FAM221B: variants seen among roughly 807,000 people sequenced by gnomAD.
The protein encoded by FAM221B is protein FAM221B.
FAM221B carries 35 observed loss-of-function variants against 39.8 expected under a neutral mutation model. The ratio of observed to expected loss-of-function variants is 0.88; its 90% CI spans 0.67 to 1.17. FAM221B has a LOEUF of 1.17. Ranked by LOEUF, FAM221B falls within the 50% of genes most tolerant of loss-of-function variation. The probability of loss-of-function intolerance (pLI) is 0.00; values close to 1 mark genes in which losing one functional copy is unlikely to be tolerated. For synonymous variants in FAM221B, 158 were observed against 178.1 expected, an observed-to-expected ratio of 0.89 and a Z score of 0.90; for missense variants, 479 against 503.1, an observed-to-expected ratio of 0.95 and a Z score of 0.46.
chr9:35,824,517 T>C (rs1480432518), intron 3 of FAM221B, among the ~76,000 whole-genome samples: 1 of 152,138 alleles, frequency 6.6e-6, no homozygotes, highest in Non-Finnish European at 1.5e-5. Context: ...AGCCTTTTAA[T>C]GGAGTTCCAC....
In FAM221B at chr9:35,825,527, C is replaced by A. The variant is rs768285842; in HGVS notation, c.598+37G>T. 6 of 1,587,822 alleles carry A rather than the reference C, an allele frequency of 3.8e-6. No individual in the cohort carries two copies. The South Asian group carries it at 5.8e-5, about 15-fold the overall frequency. On this transcript the variant is annotated intron_variant, in intron 2 of 6. Coordinates refer to ENST00000423537, the MANE Select transcript of FAM221B (RefSeq NM_001012446.4). The surrounding 1 kb of genome is among the most constrained non-coding windows in gnomAD (Gnocchi z 4.2). ...AACAGGACAGGGGAGAGGACAGGTA[C>A]AATTACAGCTAACTCCTTTCTTCTT...
At chr9:35,820,116 C>G (rs1829118987) in intron 3 of FAM221B, 116 bp from the exon 4 acceptor site, 4 of 644,950 alleles carry the variant, frequency 6.2e-6, no homozygotes, top group Non-Finnish European at 8.2e-6. Flanking sequence ...TCCCCACCCC[C>G]AGGTATCTTT....
At chr9:35,819,491 G>T in intron 4 of FAM221B, 97 bp from the exon 5 acceptor site, 5 of 1,111,914 alleles carry the variant, frequency 4.5e-6, no homozygotes, top group Non-Finnish European at 5.0e-6. Context: ...TATGCACGCA[G>T]ACATGCTTTT....
chr9:35,828,577 A>ATCCACAGGT lies in FAM221B; in HGVS notation c.-116_-115insACCTGTGGA. 2.0e-6 allele frequency: 2 copies of ATCCACAGGT among 985,482 alleles called. No individual in the cohort carries two copies. The highest frequency in any genetic ancestry group is 2.4e-6 in the Non-Finnish European group (2 of 829,976). The allele number at this position is 985,482 out of a possible 1,614,324, so 61.0% of individuals were successfully genotyped here. A position where few individuals can be genotyped will look rare whatever the true frequency, so the allele number is the denominator to read the frequency against. ...AGGCTCTTGGTTGTGGATGTGCCTC[A>ATCCACAGGT]GCTGCAGGTGCTGAGTGTTGAAATG... On this transcript the variant is annotated 5_prime_UTR_variant, in exon 1 of 7. The change creates a new upstream start codon in the 5' untranslated region. Coordinates refer to ENST00000423537, the MANE Select transcript of FAM221B (RefSeq NM_001012446.4). The surrounding 1 kb of genome is among the most constrained non-coding windows in gnomAD (Gnocchi z 4.5).
chr9:35,819,697 G>A (rs999523936), intron 4 of FAM221B, among the ~76,000 whole-genome samples, 193 bp downstream of exon 4: 1 of 151,906 alleles, frequency 6.6e-6, no homozygotes, highest in Non-Finnish European at 1.5e-5. Flanking sequence ...TAGTAGAGAC[G>A]GTGTTTCACT....
At position 35,825,215 on chromosome 9, in the gene FAM221B, G is replaced by T. The variant is rs561181515; in HGVS notation, c.742+15C>A. The T allele has an allele frequency of 3.1e-6, 5 of 1,614,112 alleles. No homozygotes were observed. In the South Asian group the frequency reaches 5.5e-5, roughly 18 times the overall value. On this transcript the variant is annotated intron_variant, in intron 3 of 6. Transcript: ENST00000423537. The surrounding 1 kb of genome is among the most constrained non-coding windows in gnomAD (Gnocchi z 4.2). ...TGGGCCTGTCACAGGCCTCTGAAAG[G>T]CCACATGGGCTCACCTGTCTGGATG... is the stretch of plus-strand genomic sequence containing the variant.
rs1382956982 is a variant in FAM221B, at chr9:35,821,483, C to T, written c.743-1483G>A. The T allele has an allele frequency of 2.9e-6, 4 of 1,367,896 alleles. No homozygotes were observed. The South Asian group carries it at 3.4e-5, about 12-fold the overall frequency. 84.7% of individuals were successfully genotyped at this position (1,367,896 alleles called of 1,614,324 possible). A position where few individuals can be genotyped will look rare whatever the true frequency, so the allele number is the denominator to read the frequency against. ...AAGCCTGTCTAGATGTGGCTTTTGG[C>T]TTTGCTTCTTCTGTCTTGATGCTGA... On this transcript the variant is annotated intron_variant, in intron 3 of 6. Transcript: ENST00000423537.
intron 3 of FAM221B, among the ~76,000 whole-genome samples, chr9:35,824,923 C>T (rs1829284013): frequency 6.6e-6 from 1 of 152,152 alleles, no homozygotes; most frequent in African/African-American, 2.4e-5. Flanking sequence ...CCTCGTGATC[C>T]GCCCATCTCG....
chr9:35,824,764 C>A (rs932915761), intron 3 of FAM221B, among the ~76,000 whole-genome samples: 3 of 151,446 alleles, frequency 2.0e-5, no homozygotes, highest in Admixed American at 6.6e-5. Context: ...TCACTGCAAG[C>A]TCCACCTCCC....
rs77741309 is a variant in FAM221B, at chr9:35,817,346, C to T, written c.*1123G>A. On this transcript the variant is annotated 3_prime_UTR_variant, in exon 7 of 7. Coordinates refer to ENST00000423537, the MANE Select transcript of FAM221B (RefSeq NM_001012446.4). ...TCTTGTACTCCAACCCCTGCCCCTA[C>T]GTCTGCTACTGTACCTCATTAGAGA... The T allele has an allele frequency of 9.9e-3, 1,511 of 152,486 alleles. 16 individuals are homozygous for T. Among genetic ancestry groups the T allele is most frequent in the Admixed American group, 0.016 (242 of 15,308 alleles). 9.4% of individuals were successfully genotyped at this position (152,486 alleles called of 1,614,324 possible). A position where few individuals can be genotyped will look rare whatever the true frequency, so the allele number is the denominator to read the frequency against.
rs372358720 is a variant in FAM221B at position 35,828,292 on chromosome 9, AAACAACAACAAC to A, written c.-1+159_-1+170del. On this transcript the variant is annotated intron_variant, in intron 1 of 6. Transcript: ENST00000423537. The surrounding 1 kb of genome is among the most constrained non-coding windows in gnomAD (Gnocchi z 4.5). ...GGGGGACAGAGCGAGACTCTGTCTCAAACAACAACAACAACAACAACAACAACAACAACAACA... is the reference window on the plus strand; with the variant it reads ...GGGGGACAGAGCGAGACTCTGTCTCAAACAACAACAACAACAACAACAACA... 4.6e-4 allele frequency among the ~76,000 whole-genome samples: 58 copies of A among 126,588 alleles called. No homozygotes were observed. Among genetic ancestry groups the A allele is most frequent in the African/African-American group, 1.4e-3 (46 of 32,306 alleles). 83.0% of individuals were successfully genotyped at this position (126,588 alleles called of 152,430 possible).
chr9:35,825,384 A>G lies in FAM221B; in HGVS notation c.599-11T>C. ...GGCGGGCTGTGTTACCTAGGATGGG[A>G]GAGGATGAGTAACCAGGGGGAAGTG... On this transcript the variant is annotated splice_polypyrimidine_tract_variant and intron_variant, in intron 2 of 6. Transcript: ENST00000423537. The surrounding 1 kb of genome is among the most constrained non-coding windows in gnomAD (Gnocchi z 4.2). 6.2e-7 allele frequency: 1 copy of G among 1,613,866 alleles called. No individual in the cohort carries two copies. The highest frequency in any genetic ancestry group is 8.5e-7 in the Non-Finnish European group (1 of 1,179,990).
chr9:35,817,795 G>T lies in FAM221B; in HGVS notation c.*674C>A, dbSNP rs1829051565. The stretch of plus-strand genomic sequence containing the variant: ...TTCTTGTTCCCTGAAACTCTAGGAA[G>T]GCTCCATCCTCTTCCTTCGTCTTGG... On this transcript the variant is annotated 3_prime_UTR_variant, in exon 7 of 7. Coordinates refer to ENST00000423537, the MANE Select transcript of FAM221B (RefSeq NM_001012446.4). 6.6e-6 allele frequency: 1 copy of T among 152,314 alleles called. No homozygotes were observed. 9.4% of individuals were successfully genotyped at this position (152,314 alleles called of 1,614,324 possible). A position where few individuals can be genotyped will look rare whatever the true frequency, so the allele number is the denominator to read the frequency against.
At chr9:35,827,891 C>T (rs1484309758) in intron 1 of FAM221B, among the ~76,000 whole-genome samples, 1 of 151,950 alleles carries the variant, frequency 6.6e-6, no homozygotes, top group East Asian at 1.9e-4. Flanking sequence ...CCAGAGTCAG[C>T]TAGAGAGAAA....
chr9:35,826,722 C>T (rs2132155193), intron 1 of FAM221B: 1 of 154,048 alleles, frequency 6.5e-6, no homozygotes, highest in South Asian at 2.0e-4. Flanking sequence ...CAGTTGTGTA[C>T]CAATGACTCC....
Position 35,818,363 on chromosome 9 carries a change from A to C in FAM221B, c.*106T>G. ...TTTCTCCTGTGTCTAATAGGTGTCA[A>C]CTCTAAGTTATTAGGCAGTCTCTCC... On this transcript the variant is annotated 3_prime_UTR_variant, in exon 7 of 7. Transcript: ENST00000423537. The C allele has an allele frequency of 9.4e-7, 1 of 1,063,862 alleles. No homozygotes were observed. Among genetic ancestry groups the C allele is most frequent in the African/African-American group, 1.6e-5 (1 of 63,592 alleles). The allele number at this position is 1,063,862 out of a possible 1,614,324, so 65.9% of individuals were successfully genotyped here.
intron 4 of FAM221B, 85 bp downstream of exon 4, chr9:35,819,805 A>G (rs1829106135): frequency 4.2e-6 from 4 of 946,798 alleles, no homozygotes; most frequent in South Asian, 1.4e-5. Flanking sequence ...GTGCCCAGCC[A>G]CATGCTCTCT....
At position 35,828,257 on chromosome 9, in the gene FAM221B, A is replaced by C. The variant is rs1588104066; in HGVS notation, c.-1+206T>G. On this transcript the variant is annotated intron_variant, in intron 1 of 6. Coordinates refer to ENST00000423537, the MANE Select transcript of FAM221B (RefSeq NM_001012446.4). The surrounding 1 kb of genome is among the most constrained non-coding windows in gnomAD (Gnocchi z 4.5). ...CAGTGAGCCCAGATCGCACCACTGC[A>C]CTCCAGCCTGGGGGACAGAGCGAGA... Among the ~76,000 whole-genome samples, 1 of 151,790 alleles carries C rather than the reference A, an allele frequency of 6.6e-6. No individual in the cohort carries two copies. Among genetic ancestry groups the C allele is most frequent in the Non-Finnish European group, 1.5e-5 (1 of 67,966 alleles).
In FAM221B at chr9:35,825,567, G is replaced by A; in HGVS notation, c.595C>T (p.Leu199=). 1.2e-6 allele frequency: 2 copies of A among 1,609,666 alleles called. No homozygotes were observed. The highest frequency in any genetic ancestry group is 1.7e-6 in the Non-Finnish European group (2 of 1,177,700). Residue 199 remains leucine, a synonymous_variant, in exon 2 of 7, where the codon CTA becomes TTA. Transcript: ENST00000423537. The surrounding 1 kb of genome is among the most constrained non-coding windows in gnomAD (Gnocchi z 4.2). The part of the protein sequence containing the change: ...TAHTAQPGHQ[L]GNTARPVFPA... ...CCTTTCTTCTTCTTCTTCTTGCCTA[G>A]TTGGTGTCCAGGTTGGGCTGTGTGA...
Sources: allele counts gnomAD v4.1 joint callset (sites outside exome capture counted in the v4.1 genomes callset), GRCh38; gene constraint gnomAD v4.1.1; non-coding constraint Gnocchi (gnomAD v3.1); transcripts MANE v1.5; gene names NCBI Gene and HGNC (gene_info 2026-07-23, HGNC 2026-07-21).